BMP1: variants seen among roughly 807,000 people sequenced by gnomAD.
BMP1 encodes mammalian tolloid protein.
A neutral mutation model predicts 116.8 loss-of-function variants in BMP1; 63 were observed. That is an observed-to-expected ratio of 0.54 (90% CI 0.44 to 0.67). The LOEUF (loss-of-function observed/expected upper bound fraction) is 0.67, where lower values mean the gene tolerates loss of function less well. Among genes scored for constraint, BMP1 ranks in the 30% least tolerant of loss-of-function variants. The pLI, the probability that BMP1 is intolerant of heterozygous loss-of-function variation, is 0.00. For missense variants in BMP1, 1,183 were observed against 1,358.9 expected (o/e 0.87, Z 2.04); for synonymous variants, 536 against 533.4 (o/e 1.00, Z -0.07).
At chr8:22,188,963 G>T (rs1261539493) in intron 8 of BMP1, among the ~76,000 whole-genome samples, 1 of 152,194 alleles carries the variant, frequency 6.6e-6, no homozygotes, top group Non-Finnish European at 1.5e-5. Flanking sequence ...TGAGTCAGGA[G>T]CCAGAGCGCC....
chr8:22,185,613 A>G (rs981370950), intron 8 of BMP1, among the ~76,000 whole-genome samples: 2 of 150,552 alleles, frequency 1.3e-5, no homozygotes, highest in Non-Finnish European at 2.9e-5. Flanking sequence ...GTGTTCTTCA[A>G]GGTCCAACCC....
At chr8:22,192,369 C>G in intron 9 of BMP1, 1 of 485,004 alleles carries the variant, frequency 2.1e-6, no homozygotes, top group East Asian at 3.8e-5. Context: ...CTTCAGAGTA[C>G]CCAGTCCAGA....
At chr8:22,177,194 A>C in intron 5 of BMP1, 55 bp downstream of exon 5, 1 of 1,497,094 alleles carries the variant, frequency 6.7e-7, no homozygotes, top group East Asian at 2.5e-5. Context: ...CCCAGCCCCC[A>C]CCTCCAGGAC....
chr8:22,206,878 C>T lies in BMP1; in HGVS notation c.2258C>T (p.Ser753Phe), dbSNP rs773865205. Reference protein sequence around the residue: ...KEAGCDHKVTSTSGTITSPNW... With the variant: ...KEAGCDHKVTFTSGTITSPNW... ...GCCGGCTGTGACCACAAGGTGACAT[C>T]CACCAGTGGTACCATCACCAGCCCC... The change falls in exon 17 of 20, where the codon TCC (serine) becomes TTC (phenylalanine). Residue 753 changes from serine (S) to phenylalanine (F), a missense_variant. Ser to Phe is a radical substitution (Grantham distance 155). Around this residue, in one of 4 missense-constraint regions of BMP1, gnomAD observed 956 missense variants for 1,135.2 expected, o/e 0.84. Coordinates refer to ENST00000306385, the MANE Select transcript of BMP1 (RefSeq NM_006129.5). 15 of 1,614,186 alleles carry T rather than the reference C, an allele frequency of 9.3e-6. No homozygotes were observed. Among genetic ancestry groups the T allele is most frequent in the Non-Finnish European group, 1.7e-6 (2 of 1,180,022 alleles).
chr8:22,169,693 C>G (rs1485468686), intron 1 of BMP1: 1 of 152,278 alleles, frequency 6.6e-6, no homozygotes, highest in Non-Finnish European at 1.5e-5. Flanking sequence ...ATGCATCAGT[C>G]CTGCACATAT....
chr8:22,206,819 C>T (rs902771529), intron 16 of BMP1, 35 bp from the exon 17 acceptor site: 2 of 1,613,574 alleles, frequency 1.2e-6, no homozygotes, highest in African/African-American at 1.3e-5. Context: ...CTTGGGGTCC[C>T]TCTCTATCCC....
chr8:22,178,624 G>A (rs576198912), intron 6 of BMP1, among the ~76,000 whole-genome samples: 192 of 152,094 alleles, frequency 1.3e-3, no homozygotes, highest in African/African-American at 4.5e-3. Flanking sequence ...CAGTTTGCAC[G>A]AAGCCTGACC....
intron 1 of BMP1, among the ~76,000 whole-genome samples, chr8:22,173,352 G>C (rs1190673530): frequency 3.3e-5 from 5 of 152,226 alleles, no homozygotes; most frequent in Non-Finnish European, 2.9e-5. Context: ...AGAATGATGA[G>C]CTAACAGACT....
At chr8:22,209,377 G>A in intron 18 of BMP1, 68 bp from the exon 19 acceptor site, 1 of 1,580,154 alleles carries the variant, frequency 6.3e-7, no homozygotes, top group South Asian at 1.2e-5. Context: ...GCACGCCATG[G>A]CATAGTGTGC....
chr8:22,207,609 G>A lies in BMP1; in HGVS notation c.2575+93G>A, dbSNP rs116629164. On this transcript the variant is annotated intron_variant, in intron 18 of 19. Coordinates refer to ENST00000306385, the MANE Select transcript of BMP1 (RefSeq NM_006129.5). ...TCAATGCGGGTATGAAGGTACAGAG[G>A]GACTGAGCCCTGCGACCCAGGGCCA... The A allele has an allele frequency of 1.0e-3, 1,471 of 1,429,432 alleles. 15 individuals carry two copies. The African/African-American group carries it at 0.018, about 18-fold the overall frequency. The allele number at this position is 1,429,432 out of a possible 1,614,324, so 88.5% of individuals were successfully genotyped here.
intron 1 of BMP1, among the ~76,000 whole-genome samples, chr8:22,166,366 G>A (rs1286005309): frequency 2.0e-5 from 3 of 151,336 alleles, no homozygotes; most frequent in Non-Finnish European, 4.4e-5. Flanking sequence ...CGGAGTGTGT[G>A]TTTGCCTGTA....
Position 22,179,849 on chromosome 8 carries a change from G to T in BMP1, c.961+20G>T, listed in dbSNP as rs757488731. The stretch of plus-strand genomic sequence containing the variant: ...GCCCAGGTCAGGGCAGAGAAGGGAT[G>T]GGTGAGGGCGTGGAGGGCAGGGCCT... On this transcript the variant is annotated intron_variant, in intron 7 of 19. Coordinates refer to ENST00000306385, the MANE Select transcript of BMP1 (RefSeq NM_006129.5). The surrounding 1 kb of genome is among the most constrained non-coding windows in gnomAD (Gnocchi z 4.6). 1.0e-5 allele frequency: 16 copies of T among 1,607,438 alleles called. No homozygotes were observed. The South Asian group carries it at 1.5e-4, about 16-fold the overall frequency.
intron 16 of BMP1, among the ~76,000 whole-genome samples, chr8:22,202,659 G>A (rs1340303553): frequency 6.6e-6 from 1 of 152,174 alleles, no homozygotes; most frequent in Non-Finnish European, 1.5e-5. Flanking sequence ...ACCAGCCTGA[G>A]CAACATAGTG....
At chr8:22,166,240 C>G (rs890258774) in intron 1 of BMP1, among the ~76,000 whole-genome samples, 1 of 151,920 alleles carries the variant, frequency 6.6e-6, no homozygotes, top group Admixed American at 6.6e-5. Context: ...GCCCAGAGAC[C>G]CCCGCCAAGG....
intron 8 of BMP1, among the ~76,000 whole-genome samples, chr8:22,184,809 G>T (rs182067630): frequency 1.3e-3 from 196 of 152,340 alleles, no homozygotes; most frequent in African/African-American, 4.4e-3. Context: ...ATTGGCATTT[G>T]GTTCTAGGAC....
intron 19 of BMP1, 48 bp from the exon 20 acceptor site, chr8:22,211,546 G>A (rs1829461867): frequency 1.2e-5 from 20 of 1,612,138 alleles, no homozygotes; most frequent in Non-Finnish European, 1.6e-5. Flanking sequence ...CAGGACAGCA[G>A]CCCCAGCCCC....
intron 6 of BMP1, among the ~76,000 whole-genome samples, chr8:22,178,397 G>A (rs551561487): frequency 1.7e-4 from 26 of 152,206 alleles, no homozygotes; most frequent in African/African-American, 5.1e-4. Context: ...TCAAGGAATC[G>A]TCCCGTCTCA....
rs763740543 is a variant in BMP1, at chr8:22,194,015, G to A, written c.1181-43G>A. The A allele has an allele frequency of 1.9e-6, 3 of 1,542,112 alleles. No individual in the cohort carries two copies. Among genetic ancestry groups the A allele is most frequent in the Non-Finnish European group, 2.7e-6 (3 of 1,115,156 alleles). ...GAGAGGTGGGGCCTCTATAGGGGGT[G>A]TCCTCAGGGTTCACCACTCTTCCAT... On this transcript the variant is annotated intron_variant, in intron 9 of 19. Transcript: ENST00000306385. This position sits in a 1 kb window ranked among gnomAD's most constrained non-coding sequence, Gnocchi z 4.5.
rs556127401 is a variant in BMP1, at chr8:22,181,701, C to T, written c.1077+1218C>T. Reference sequence around the variant, plus strand: ...TGGAGTAGCTGGGACTGCAGATGTGCGCTACCATGCCCGGCAATTTTTTTT... The same window carrying T: ...TGGAGTAGCTGGGACTGCAGATGTGTGCTACCATGCCCGGCAATTTTTTTT... On this transcript the variant is annotated intron_variant, in intron 8 of 19. Transcript: ENST00000306385. Among the ~76,000 whole-genome samples the T allele has an allele frequency of 3.0e-4, 45 of 152,186 alleles. No homozygotes were observed. The South Asian group carries it at 8.9e-3, about 30-fold the overall frequency.
Sources: gnomAD v4.1 joint callset for allele counts (sites outside exome capture counted in the v4.1 genomes callset) on GRCh38, gnomAD v4.1.1 for gene constraint, gnomAD v4.1.1 regional missense constraint, Gnocchi (gnomAD v3.1) non-coding constraint, MANE v1.5 for transcripts, NCBI Gene and HGNC (gene_info 2026-07-23, HGNC 2026-07-21) for gene names.